MAP3K20: variants seen among roughly 807,000 people sequenced by gnomAD.
MAP3K20 encodes the protein HCCS-4.
In MAP3K20, 40 loss-of-function variants were observed where a neutral mutation model predicts 85.7. That is an observed-to-expected ratio of 0.47 (90% CI 0.36 to 0.61). The LOEUF is 0.61. MAP3K20 is among the 20% of genes least tolerant of loss of function. The pLI, the probability that MAP3K20 is intolerant of heterozygous loss-of-function variation, is 0.00. For missense variants in MAP3K20, 817 were observed against 961.7 expected (o/e 0.85, Z 1.99); for synonymous variants, 325 against 327.7 (o/e 0.99, Z 0.09).
chr2:173,120,587 A>C (rs1382281373), intron 2 of MAP3K20, among the ~76,000 whole-genome samples: 2 of 151,648 alleles, frequency 1.3e-5, no homozygotes, highest in African/African-American at 4.8e-5. Flanking sequence ...AGGTGAAAGC[A>C]TTCCATCCTT....
At chr2:173,126,314 A>G (rs544854473) in intron 2 of MAP3K20, among the ~76,000 whole-genome samples, 5 of 152,250 alleles carry the variant, frequency 3.3e-5, no homozygotes, top group African/African-American at 1.2e-4. Flanking sequence ...TCTAGTGGTG[A>G]TATTGGGGTA....
chr2:173,161,481 A>G (rs1222181731), intron 2 of MAP3K20, among the ~76,000 whole-genome samples: 4 of 152,224 alleles, frequency 2.6e-5, no homozygotes, highest in African/African-American at 9.6e-5. Context: ...AATTATTTAA[A>G]CACACTGAAT....
chr2:173,243,294 A>G (rs920581485), intron 16 of MAP3K20, among the ~76,000 whole-genome samples: 4 of 152,222 alleles, frequency 2.6e-5, no homozygotes, highest in South Asian at 2.1e-4. Context: ...TCTTCTTGGT[A>G]GAAGTGTTGC....
At chr2:173,139,832 T>A (rs1688915075) in intron 2 of MAP3K20, among the ~76,000 whole-genome samples, 1 of 152,196 alleles carries the variant, frequency 6.6e-6, no homozygotes, top group Non-Finnish European at 1.5e-5. Flanking sequence ...CATAGCCATT[T>A]GTTTACTGTG....
At chr2:173,118,095 A>G (rs1241971026) in intron 2 of MAP3K20, among the ~76,000 whole-genome samples, 1 of 152,236 alleles carries the variant, frequency 6.6e-6, no homozygotes, top group African/African-American at 2.4e-5. Context: ...TATTGCTTCC[A>G]TCATTTTACA....
At chr2:173,232,639 G>A (rs1486446675) in intron 14 of MAP3K20, among the ~76,000 whole-genome samples, 180 bp downstream of exon 14, 1 of 152,206 alleles carries the variant, frequency 6.6e-6, no homozygotes, top group African/African-American at 2.4e-5. Context: ...AAGTAGCTGG[G>A]ATTACAGAAG....
At chr2:173,135,072 A>G (rs1265866089) in intron 2 of MAP3K20, among the ~76,000 whole-genome samples, 3 of 152,234 alleles carry the variant, frequency 2.0e-5, no homozygotes, top group African/African-American at 4.8e-5. Flanking sequence ...TACAAAATAT[A>G]CTAGGGGTTA....
At position 173,147,228 on chromosome 2, in the gene MAP3K20, C is replaced by G. The variant is rs111714325; in HGVS notation, c.160-22577C>G. Among the ~76,000 whole-genome samples, 423 of 152,234 alleles carry G rather than the reference C, an allele frequency of 2.8e-3. 2 individuals carry two copies. Among genetic ancestry groups the G allele is most frequent in the South Asian group, 5.0e-3 (24 of 4,826 alleles). On this transcript the variant is annotated intron_variant, in intron 2 of 19. Transcript: ENST00000375213. ...TTTTGGGGGCATTCAGTTTAACTTT[C>G]GTTGCTTGTGCTTTTGTTGTCATAT...
In MAP3K20 at chr2:173,218,157, C is replaced by T. The variant is rs530347539; in HGVS notation, c.987+907C>T. Among the ~76,000 whole-genome samples the T allele has an allele frequency of 2.6e-5, 4 of 152,218 alleles. No homozygotes were observed. The East Asian group carries it at 5.8e-4, about 22-fold the overall frequency. On this transcript the variant is annotated intron_variant, in intron 11 of 19. Coordinates refer to ENST00000375213, the MANE Select transcript of MAP3K20 (RefSeq NM_016653.3). ...TGCCAAAAAATACTGAAATGCCGCT[C>T]GTTTTGTGATCTTCAAAAAGCTTTC...
chr2:173,153,872 C>T (rs1405716207), intron 2 of MAP3K20, among the ~76,000 whole-genome samples: 1 of 152,050 alleles, frequency 6.6e-6, no homozygotes, highest in Non-Finnish European at 1.5e-5. Context: ...CATATTTTTA[C>T]TTGTATTATT....
At chr2:173,100,653 C>T (rs1274878843) in intron 2 of MAP3K20, among the ~76,000 whole-genome samples, 1 of 152,170 alleles carries the variant, frequency 6.6e-6, no homozygotes, top group Non-Finnish European at 1.5e-5. Context: ...TAGTAACAAA[C>T]TCTTAGGTAT....
Position 173,182,267 on chromosome 2 carries a change from T to C in MAP3K20, c.248-587T>C, listed in dbSNP as rs557091300. ...GGCACAAGAGAACTATTTGTAGTGA[T>C]GGAAAGGTTCTAAGACTGGATTGTG... On this transcript the variant is annotated intron_variant, in intron 3 of 19. Transcript: ENST00000375213. Among the ~76,000 whole-genome samples, 6 of 152,324 alleles carry C rather than the reference T, an allele frequency of 3.9e-5. 1 individual carries two copies. The highest frequency in any genetic ancestry group is 2.1e-4 in the South Asian group (1 of 4,824).
At chr2:173,183,667 A>G (rs1012185316) in intron 4 of MAP3K20, among the ~76,000 whole-genome samples, 2 of 152,114 alleles carry the variant, frequency 1.3e-5, no homozygotes, top group African/African-American at 2.4e-5. Context: ...TGCTTTGGAA[A>G]CAACTTCATC....
intron 16 of MAP3K20, among the ~76,000 whole-genome samples, chr2:173,250,523 G>T (rs1341024166): frequency 6.6e-6 from 1 of 152,206 alleles, no homozygotes; most frequent in Non-Finnish European, 1.5e-5. Flanking sequence ...TACTGGCAGT[G>T]TCATGGAAGC....
intron 2 of MAP3K20, among the ~76,000 whole-genome samples, chr2:173,099,555 CT>C (rs372394377): frequency 7.9e-5 from 12 of 152,020 alleles, no homozygotes; most frequent in Non-Finnish European, 1.5e-4. Context: ...TTCTGCATTA[CT>C]TTTTTAATTT....
chr2:173,258,603 A>C (rs1211499619), intron 16 of MAP3K20, 96 bp from the exon 17 acceptor site: 4 of 666,786 alleles, frequency 6.0e-6, no homozygotes, highest in Non-Finnish European at 1.0e-5. Context: ...CTCCAATAAT[A>C]CTTCATTTAG....
chr2:173,204,743 A>G (rs1171252471), intron 9 of MAP3K20, among the ~76,000 whole-genome samples: 1 of 152,220 alleles, frequency 6.6e-6, no homozygotes, highest in Non-Finnish European at 1.5e-5. Context: ...GAGTGATAAT[A>G]TATAGAGGTT....
intron 2 of MAP3K20, among the ~76,000 whole-genome samples, chr2:173,138,741 G>A (rs1237935677): frequency 6.6e-6 from 1 of 152,156 alleles, no homozygotes. Context: ...ACTGCCTACT[G>A]GATGCTTGTG....
At chr2:173,138,083 T>C (rs947982037) in intron 2 of MAP3K20, among the ~76,000 whole-genome samples, 1 of 152,124 alleles carries the variant, frequency 6.6e-6, no homozygotes, top group African/African-American at 2.4e-5. Flanking sequence ...TTCTCCTGCC[T>C]CAGCTTCCCA....
Sources: gnomAD v4.1 joint callset for allele counts (sites outside exome capture counted in the v4.1 genomes callset) on GRCh38, gnomAD v4.1.1 for gene constraint, MANE v1.5 for transcripts, NCBI Gene and HGNC (gene_info 2026-07-23, HGNC 2026-07-21) for gene names.